NTRK2: variants seen among roughly 807,000 people sequenced by gnomAD.
NTRK2 encodes neurotrophic receptor tyrosine kinase 2, also known as BDNF/NT-3 growth factors receptor.
NTRK2 carries 13 observed loss-of-function variants against 94.5 expected under a neutral mutation model. That is an observed-to-expected ratio of 0.14 (90% CI 0.09 to 0.22). The LOEUF (loss-of-function observed/expected upper bound fraction) is 0.22. Ranked by LOEUF, NTRK2 falls within the 10% of genes least tolerant of loss-of-function variation. NTRK2 has a pLI of 1.00. For missense variants in NTRK2, 639 were observed against 1,071.2 expected (o/e 0.60, Z 5.63); for synonymous variants, 372 against 407.4 (o/e 0.91, Z 1.05).
chr9:84,909,057 C>T (rs1244177130), intron 14 of NTRK2, among the ~76,000 whole-genome samples: 1 of 152,110 alleles, frequency 6.6e-6, no homozygotes, highest in East Asian at 1.9e-4. Flanking sequence ...ATCCCTCATG[C>T]TGTTCTTTTA....
intron 17 of NTRK2, among the ~76,000 whole-genome samples, chr9:84,979,175 A>G (rs575955205): frequency 6.6e-6 from 1 of 152,352 alleles, no homozygotes; most frequent in South Asian, 2.1e-4. Context: ...AATAGCTGCC[A>G]TAGAGAGTGA....
chr9:84,778,448 A>G (rs2067260694), intron 12 of NTRK2, among the ~76,000 whole-genome samples: 1 of 152,194 alleles, frequency 6.6e-6, no homozygotes, highest in Non-Finnish European at 1.5e-5. Flanking sequence ...CCAACCAGTG[A>G]TGATTCCTTA....
At chr9:84,676,973 GTGTGTGTGTTAAATT>G (rs1316791853) in intron 2 of NTRK2, among the ~76,000 whole-genome samples, 1 of 151,868 alleles carries the variant, frequency 6.6e-6, no homozygotes, top group African/African-American at 2.4e-5. Context: ...GTGTGTGTGT[GTGTGTGTGTTAAATT>G]TGAAGTGTTC....
At chr9:84,689,814 C>G (rs1334737305) in intron 2 of NTRK2, among the ~76,000 whole-genome samples, 2 of 152,182 alleles carry the variant, frequency 1.3e-5, no homozygotes, top group Admixed American at 6.5e-5. Context: ...TGCCTGGCAA[C>G]CACCATTCTA....
chr9:84,876,786 C>T, intron 14 of NTRK2: 1 of 1,061,454 alleles, frequency 9.4e-7, no homozygotes, highest in Non-Finnish European at 1.1e-6. Context: ...GCTGCTTGAG[C>T]CTTATTTAGA....
intron 17 of NTRK2, among the ~76,000 whole-genome samples, chr9:85,007,310 A>G (rs903585050): frequency 2.0e-5 from 3 of 152,204 alleles, no homozygotes; most frequent in African/African-American, 7.2e-5. Flanking sequence ...GAGCTAAAGG[A>G]GTTTGGGAAA....
intron 12 of NTRK2, chr9:84,813,256 C>T (rs200520671): frequency 2.4e-5 from 25 of 1,042,174 alleles, no homozygotes; most frequent in African/African-American, 1.3e-4. Flanking sequence ...TGTCCCCAGC[C>T]GCAGCCAACT....
At chr9:84,692,988 T>C (rs2060142845) in intron 2 of NTRK2, among the ~76,000 whole-genome samples, 2 of 152,132 alleles carry the variant, frequency 1.3e-5, no homozygotes, top group South Asian at 2.1e-4. Flanking sequence ...CAATTGGAAA[T>C]GTGCTCCGAA....
chr9:84,698,550 T>A (rs2060530970), intron 2 of NTRK2, among the ~76,000 whole-genome samples: 1 of 152,180 alleles, frequency 6.6e-6, no homozygotes, highest in Admixed American at 6.5e-5. Context: ...TTCTCTTGGA[T>A]GAATACCTGG....
chr9:84,700,335 C>G (rs1305249164), intron 2 of NTRK2, among the ~76,000 whole-genome samples: 1 of 152,122 alleles, frequency 6.6e-6, no homozygotes, highest in Non-Finnish European at 1.5e-5. Flanking sequence ...AACTCTGAAA[C>G]AGTTGATGTT....
intron 17 of NTRK2, among the ~76,000 whole-genome samples, chr9:84,963,279 A>G (rs1825170320): frequency 6.6e-6 from 1 of 152,248 alleles, no homozygotes; most frequent in Admixed American, 6.5e-5. Context: ...GCCAGAGATC[A>G]ATGACTTGTT....
At chr9:84,855,090 G>A (rs2075000673) in intron 12 of NTRK2, among the ~76,000 whole-genome samples, 1 of 152,090 alleles carries the variant, frequency 6.6e-6, no homozygotes, top group African/African-American at 2.4e-5. Flanking sequence ...AGACCGAGTA[G>A]GTTGGCCTTG....
chr9:84,933,752 C>T (rs762425616), intron 14 of NTRK2, among the ~76,000 whole-genome samples: 3 of 152,156 alleles, frequency 2.0e-5, no homozygotes, highest in African/African-American at 4.8e-5. Flanking sequence ...GATGGCTTAA[C>T]CAATAATTCA....
intron 14 of NTRK2, among the ~76,000 whole-genome samples, chr9:84,880,921 A>G (rs2076236031): frequency 1.3e-5 from 2 of 152,254 alleles, no homozygotes; most frequent in African/African-American, 4.8e-5. Context: ...TTCAAAGTCC[A>G]TTGTGACAAG....
At chr9:84,749,071 A>G (rs1005642715) in intron 11 of NTRK2, among the ~76,000 whole-genome samples, 1 of 152,096 alleles carries the variant, frequency 6.6e-6, no homozygotes, top group Non-Finnish European at 1.5e-5. Flanking sequence ...TCTACTAAAA[A>G]TACAAAATTA....
At chr9:84,916,762 T>A (rs1357538695) in intron 14 of NTRK2, among the ~76,000 whole-genome samples, 2 of 152,198 alleles carry the variant, frequency 1.3e-5, no homozygotes, top group African/African-American at 4.8e-5. Context: ...AAAAAAATCT[T>A]TCTTTGCATA....
rs190282511 is a variant in NTRK2, at chr9:84,834,699, G to A, written c.1397-26341G>A. 2.6e-5 allele frequency among the ~76,000 whole-genome samples: 4 copies of A among 152,282 alleles called. No homozygotes were observed. The East Asian group carries it at 7.7e-4, about 29-fold the overall frequency. Reference sequence around the variant, plus strand: ...TTGAGAGTTCTAGTTCAAGCCCACTGACTGCAGGCAACAGGAAAGGCATCT... The same window carrying A: ...TTGAGAGTTCTAGTTCAAGCCCACTAACTGCAGGCAACAGGAAAGGCATCT... On this transcript the variant is annotated intron_variant, in intron 12 of 18. Coordinates refer to ENST00000277120, the MANE Select transcript of NTRK2 (RefSeq NM_006180.6).
intron 17 of NTRK2, among the ~76,000 whole-genome samples, chr9:84,958,065 A>C (rs1824383959): frequency 1.3e-5 from 2 of 152,210 alleles, no homozygotes; most frequent in African/African-American, 2.4e-5. Flanking sequence ...CAGGAAGTAG[A>C]TTAATGGTTA....
chr9:84,801,058 A>T (rs1378518229), intron 12 of NTRK2, among the ~76,000 whole-genome samples: 1 of 152,248 alleles, frequency 6.6e-6, no homozygotes, highest in Non-Finnish European at 1.5e-5. Flanking sequence ...GAGCTACTGC[A>T]GGCAGGGTTG....
Sources: gnomAD v4.1 joint callset for allele counts (sites outside exome capture counted in the v4.1 genomes callset) on GRCh38, gnomAD v4.1.1 for gene constraint, MANE v1.5 for transcripts, NCBI Gene and HGNC (gene_info 2026-07-23, HGNC 2026-07-21) for gene names.